Variants in ROBO2 observed in about 807,000 individuals in gnomAD.
The protein encoded by ROBO2 is roundabout guidance receptor 2, also known as roundabout homolog 2.
ROBO2 carries 53 observed loss-of-function variants against 160.8 expected under a neutral mutation model. The observed-to-expected ratio is 0.33, with a 90% CI of 0.26 to 0.41. The LOEUF (loss-of-function observed/expected upper bound fraction) is 0.41. Ranked by LOEUF, ROBO2 falls within the 10% of genes least tolerant of loss-of-function variation. The pLI is 1.00. For missense variants in ROBO2, 1,577 were observed against 1,722.4 expected, an observed-to-expected ratio of 0.92 and a Z score of 1.49; for synonymous variants, 664 against 611.7, an observed-to-expected ratio of 1.09 and a Z score of -1.26.
chr3:77,279,428 A>G (rs989906416), intron 2 of ROBO2, among the ~76,000 whole-genome samples: 1 of 152,170 alleles, frequency 6.6e-6, no homozygotes, highest in African/African-American at 2.4e-5. Flanking sequence ...TTAGCATTTG[A>G]AAAAGACATT....
intron 2 of ROBO2, among the ~76,000 whole-genome samples, chr3:77,448,865 T>C (rs1272427526): frequency 1.3e-5 from 2 of 151,990 alleles, no homozygotes; most frequent in African/African-American, 4.8e-5. Flanking sequence ...TAAAAACATT[T>C]ATGCACAACT....
intron 2 of ROBO2, among the ~76,000 whole-genome samples, chr3:76,614,601 A>G (rs1437538382): frequency 6.6e-6 from 1 of 152,100 alleles, no homozygotes. Flanking sequence ...TATTAGCTAC[A>G]ACACAGCATT....
chr3:76,063,182 A>T (rs1364198894), intron 2 of ROBO2, among the ~76,000 whole-genome samples: 1 of 152,178 alleles, frequency 6.6e-6, no homozygotes, highest in Non-Finnish European at 1.5e-5. Flanking sequence ...CGTATCTGGC[A>T]GCTATGCAAA....
chr3:77,352,235 G>GA (rs143267395), intron 2 of ROBO2, among the ~76,000 whole-genome samples: 114,370 of 148,258 alleles, frequency 0.77, 44,954 homozygotes, highest in Non-Finnish European at 0.86. Flanking sequence ...TTTTTTTTCT[G>GA]AAAAAAAAAT....
intron 2 of ROBO2, among the ~76,000 whole-genome samples, chr3:76,316,243 A>G (rs2072013393): frequency 6.6e-6 from 1 of 152,102 alleles, no homozygotes; most frequent in Admixed American, 6.5e-5. Context: ...GCCTGAGGGT[A>G]CTGCAGGAGA....
intron 2 of ROBO2, among the ~76,000 whole-genome samples, chr3:77,449,253 C>G (rs556786090): frequency 1.3e-5 from 2 of 152,012 alleles, no homozygotes; most frequent in Non-Finnish European, 2.9e-5. Flanking sequence ...ACTTTAGTGA[C>G]TAAAGCAAAT....
At chr3:76,000,711 C>T (rs751424561) in intron 2 of ROBO2, among the ~76,000 whole-genome samples, 2 of 151,498 alleles carry the variant, frequency 1.3e-5, no homozygotes, top group Non-Finnish European at 2.9e-5. Flanking sequence ...AGGATGGTGT[C>T]GATCTCCTGA....
At chr3:76,288,685 T>C (rs936761969) in intron 2 of ROBO2, among the ~76,000 whole-genome samples, 2 of 152,070 alleles carry the variant, frequency 1.3e-5, no homozygotes, top group Non-Finnish European at 2.9e-5. Context: ...GTTCCCGTGT[T>C]TGTGTCCATG....
chr3:77,265,196 T>C (rs182883412), intron 2 of ROBO2, among the ~76,000 whole-genome samples: 14 of 152,258 alleles, frequency 9.2e-5, no homozygotes, highest in African/African-American at 2.9e-4. Flanking sequence ...TTATCCCCAT[T>C]TTCCAATTGA....
chr3:76,237,935 T>C lies in ROBO2; in HGVS notation c.109+300333T>C, dbSNP rs151111427. Among the ~76,000 whole-genome samples, 128 of 152,284 alleles carry C rather than the reference T, an allele frequency of 8.4e-4. 1 individual carries two copies. In the East Asian group the frequency reaches 0.018, roughly 21 times the overall value. On this transcript the variant is annotated intron_variant, in intron 2 of 26. Transcript: ENST00000487694. Reference sequence around the variant, plus strand: ...AGGCATACCGAAGAGAGGCATCTTATCAGCCTTTGTGTAGCTGGTGGGGAC... The same window carrying C: ...AGGCATACCGAAGAGAGGCATCTTACCAGCCTTTGTGTAGCTGGTGGGGAC...
At chr3:77,419,963 C>T (rs1013978792) in intron 2 of ROBO2, among the ~76,000 whole-genome samples, 1 of 151,972 alleles carries the variant, frequency 6.6e-6, no homozygotes, top group African/African-American at 2.4e-5. Context: ...CCTTCTGAAT[C>T]GAAGTTTCAG....
chr3:77,351,596 A>G (rs2068335463), intron 2 of ROBO2, among the ~76,000 whole-genome samples: 1 of 152,162 alleles, frequency 6.6e-6, no homozygotes, highest in Non-Finnish European at 1.5e-5. Context: ...ATTTTCCCTT[A>G]ACAAAGTGGC....
At chr3:75,912,545 C>T (rs1282666709) in intron 1 of ROBO2, among the ~76,000 whole-genome samples, 1 of 152,096 alleles carries the variant, frequency 6.6e-6, no homozygotes, top group Non-Finnish European at 1.5e-5. Context: ...TTTGAATTTT[C>T]TAGGTATTGT....
At chr3:76,303,423 T>C (rs976679314) in intron 2 of ROBO2, among the ~76,000 whole-genome samples, 1 of 152,036 alleles carries the variant, frequency 6.6e-6, no homozygotes, top group Non-Finnish European at 1.5e-5. Context: ...AACTTTTCCT[T>C]CCAAAATAGT....
intron 2 of ROBO2, among the ~76,000 whole-genome samples, chr3:76,643,910 G>A (rs1373193164): frequency 1.3e-5 from 2 of 152,058 alleles, no homozygotes; most frequent in Admixed American, 6.5e-5. Context: ...GAGTATATCT[G>A]TGGAGAACTA....
At chr3:76,482,464 T>C (rs1420339055) in intron 2 of ROBO2, among the ~76,000 whole-genome samples, 1 of 152,146 alleles carries the variant, frequency 6.6e-6, no homozygotes, top group Non-Finnish European at 1.5e-5. Context: ...CAATTTACTA[T>C]AGAAGGAAAA....
chr3:76,664,532 G>C (rs2091948972), intron 2 of ROBO2, among the ~76,000 whole-genome samples: 1 of 152,142 alleles, frequency 6.6e-6, no homozygotes, highest in African/African-American at 2.4e-5. Context: ...ATGGAGCTTG[G>C]GACAGAGGTT....
chr3:76,581,864 T>G (rs1255527003), intron 2 of ROBO2, among the ~76,000 whole-genome samples: 1 of 152,188 alleles, frequency 6.6e-6, no homozygotes, highest in Non-Finnish European at 1.5e-5. Flanking sequence ...TGCAATAATT[T>G]TCAAGATATA....
intron 1 of ROBO2, among the ~76,000 whole-genome samples, chr3:75,929,924 A>C (rs2106924713): frequency 6.6e-6 from 1 of 152,060 alleles, no homozygotes; most frequent in Non-Finnish European, 1.5e-5. Flanking sequence ...CGAACTCCTG[A>C]CCTCAGGTGA....
Sources: allele counts gnomAD v4.1 joint callset (sites outside exome capture counted in the v4.1 genomes callset), GRCh38; gene constraint gnomAD v4.1.1; transcripts MANE v1.5; gene names NCBI Gene and HGNC (gene_info 2026-07-23, HGNC 2026-07-21).